Variants in RBMS2 observed in about 807,000 individuals in gnomAD.
RBMS2 encodes the protein RNA-binding motif, single-stranded-interacting protein 2.
Under a neutral mutation model 58.4 loss-of-function variants are expected in RBMS2, and 38 were observed. The ratio of observed to expected loss-of-function variants is 0.65; its 90% CI spans 0.50 to 0.85. The LOEUF is 0.85. Ranked by LOEUF, RBMS2 falls within the 40% of genes least tolerant of loss-of-function variation. The pLI is 0.00. For missense variants in RBMS2, 367 were observed against 503.7 expected (o/e 0.73, Z 2.60); for synonymous variants, 151 against 180.7 (o/e 0.84, Z 1.32).
intron 2 of RBMS2, among the ~76,000 whole-genome samples, chr12:56,565,562 C>T (rs137956094): frequency 1.6e-4 from 25 of 152,126 alleles, no homozygotes; most frequent in African/African-American, 4.1e-4. Flanking sequence ...CATGTAGGAT[C>T]GAAGTAAGGA....
At chr12:56,564,333 T>C (rs1242990333) in intron 2 of RBMS2, among the ~76,000 whole-genome samples, 1 of 152,134 alleles carries the variant, frequency 6.6e-6, no homozygotes, top group East Asian at 1.9e-4. Flanking sequence ...TCTGTCCCCC[T>C]GCATGGATAC....
intron 1 of RBMS2, among the ~76,000 whole-genome samples, chr12:56,531,182 A>G (rs1329969929): frequency 6.6e-6 from 1 of 152,100 alleles, no homozygotes; most frequent in Non-Finnish European, 1.5e-5. Flanking sequence ...CTTCATTGCT[A>G]GAGTGTAAGC....
chr12:56,534,658 T>C (rs1035333743), intron 1 of RBMS2, among the ~76,000 whole-genome samples: 28 of 152,184 alleles, frequency 1.8e-4, no homozygotes, highest in Non-Finnish European at 3.2e-4. Flanking sequence ...TATTTATTTT[T>C]TATGATGGAG....
At chr12:56,562,300 T>C (rs989452886) in intron 1 of RBMS2, 117 bp from the exon 2 acceptor site, 1 of 961,442 alleles carries the variant, frequency 1.0e-6, no homozygotes, top group South Asian at 1.7e-5. Flanking sequence ...TCCAAGTGAG[T>C]GCACATTTGT....
At position 56,566,281 on chromosome 12, in the gene RBMS2, T is replaced by C. The variant is rs141553215; in HGVS notation, c.234-2694T>C. On this transcript the variant is annotated intron_variant, in intron 2 of 13. Transcript: ENST00000262031. ...AAGGAGAGATGGGAAAATTGCTTGT[T>C]TGGGGTATTATTCTCAAATTCATTC... is the stretch of plus-strand genomic sequence containing the variant. 1.4e-3 allele frequency among the ~76,000 whole-genome samples: 213 copies of C among 152,290 alleles called. 1 individual carries two copies. Among genetic ancestry groups the C allele is most frequent in the African/African-American group, 4.9e-3 (202 of 41,556 alleles).
intron 5 of RBMS2, among the ~76,000 whole-genome samples, chr12:56,576,322 G>A (rs1054867607): frequency 6.6e-6 from 1 of 152,116 alleles, no homozygotes. Context: ...GAGTGACACA[G>A]TGAGATTCTG....
chr12:56,558,071 G>A (rs1298778531), intron 1 of RBMS2, among the ~76,000 whole-genome samples: 3 of 90,696 alleles, frequency 3.3e-5, no homozygotes, highest in African/African-American at 1.3e-4. Context: ...TTGAGACGGA[G>A]TCTTGCTCTG....
At chr12:56,567,231 A>G (rs1222470476) in intron 2 of RBMS2, among the ~76,000 whole-genome samples, 2 of 151,776 alleles carry the variant, frequency 1.3e-5, no homozygotes, top group Non-Finnish European at 2.9e-5. Context: ...GTAAAAATGT[A>G]AAACTTAGCT....
intron 1 of RBMS2, among the ~76,000 whole-genome samples, chr12:56,526,529 AT>A (rs1246003858): frequency 1.3e-5 from 2 of 150,740 alleles, no homozygotes; most frequent in East Asian, 1.9e-4. Flanking sequence ...GTAGTGTTAA[AT>A]TTTTTTTTCC....
chr12:56,559,494 C>T (rs1269829109), intron 1 of RBMS2, among the ~76,000 whole-genome samples: 6 of 150,434 alleles, frequency 4.0e-5, no homozygotes, highest in African/African-American at 1.2e-4. Flanking sequence ...CCAAGAAGGA[C>T]ATATCTTATT....
intron 1 of RBMS2, among the ~76,000 whole-genome samples, chr12:56,545,587 C>T (rs533925708): frequency 1.3e-5 from 2 of 152,300 alleles, no homozygotes; most frequent in Admixed American, 1.3e-4. Context: ...CCTCCCATTG[C>T]TCCTCTCCCA....
intron 1 of RBMS2, among the ~76,000 whole-genome samples, chr12:56,533,323 A>G (rs1002834543): frequency 2.0e-5 from 3 of 151,020 alleles, no homozygotes; most frequent in Non-Finnish European, 4.4e-5. Flanking sequence ...GATGGTCTCG[A>G]ACTCCTGACC....
chr12:56,549,827 AGACCATCCTGACCAACATG>A (rs1877910697), intron 1 of RBMS2, among the ~76,000 whole-genome samples: 1 of 152,076 alleles, frequency 6.6e-6, no homozygotes, highest in Non-Finnish European at 1.5e-5. Context: ...CAGGAGTTCG[AGACCATCCTGACCAACATG>A]GAGAAACCCC....
chr12:56,562,684 C>A, intron 2 of RBMS2, 101 bp downstream of exon 2: 1 of 1,287,030 alleles, frequency 7.8e-7, no homozygotes. Context: ...AACTCCTGGG[C>A]TCAAGTGATC....
intron 4 of RBMS2, among the ~76,000 whole-genome samples, chr12:56,570,465 C>T (rs2136471165): frequency 6.6e-6 from 1 of 152,328 alleles, no homozygotes; most frequent in East Asian, 1.9e-4. Flanking sequence ...GAAACTGTCT[C>T]TTCTCAGATC....
chr12:56,570,662 G>C (rs555792472), intron 4 of RBMS2, among the ~76,000 whole-genome samples: 28 of 152,214 alleles, frequency 1.8e-4, no homozygotes, highest in Admixed American at 1.4e-3. Context: ...ACTGCAAGCT[G>C]CACCTCCCGG....
chr12:56,547,369 G>A (rs184633990), intron 1 of RBMS2, among the ~76,000 whole-genome samples: 7 of 149,760 alleles, frequency 4.7e-5, no homozygotes, highest in South Asian at 2.1e-4. Flanking sequence ...AAACAAAAAT[G>A]AAAAAAGTTT....
Position 56,594,516 on chromosome 12 carries a change from A to G in RBMS2, c.*5383A>G, listed in dbSNP as rs1225610037. On this transcript the variant is annotated 3_prime_UTR_variant, in exon 14 of 14. Coordinates refer to ENST00000262031, the MANE Select transcript of RBMS2 (RefSeq NM_002898.4). The stretch of plus-strand genomic sequence containing the variant: ...ATCCTTCCTGATTCCCGTTTAAACC[A>G]ACTACTCTATTTCTGTGCTGCCTAC... 1 of 152,222 alleles carries G rather than the reference A, an allele frequency of 6.6e-6. No individual in the cohort carries two copies. Among genetic ancestry groups the G allele is most frequent in the Non-Finnish European group, 1.5e-5 (1 of 68,048 alleles). The allele number at this position is 152,222 out of a possible 1,614,324, so 9.4% of individuals were successfully genotyped here.
At chr12:56,525,680 G>A (rs574643207) in intron 1 of RBMS2, among the ~76,000 whole-genome samples, 15 of 151,092 alleles carry the variant, frequency 9.9e-5, no homozygotes, top group Non-Finnish European at 1.9e-4. Context: ...GTTTGTTTTC[G>A]AGACAGAGTC....
Sources: gnomAD v4.1 joint callset for allele counts (sites outside exome capture counted in the v4.1 genomes callset) on GRCh38, gnomAD v4.1.1 for gene constraint, MANE v1.5 for transcripts, NCBI Gene and HGNC (gene_info 2026-07-23, HGNC 2026-07-21) for gene names.